Variants in LIN7A observed in about 807,000 individuals in gnomAD.
LIN7A encodes the protein lin-7 cell polarity scaffold A.
In LIN7A, 25 loss-of-function variants were observed where a neutral mutation model predicts 29.8. The ratio of observed to expected loss-of-function variants is 0.84; its 90% CI spans 0.61 to 1.17. LIN7A has a LOEUF of 1.17. Among genes scored for constraint, LIN7A ranks in the 50% most tolerant of loss-of-function variants. The pLI is 0.00. For missense variants in LIN7A, 239 were observed against 287.0 expected (o/e 0.83, Z 1.21); for synonymous variants, 118 against 107.5 (o/e 1.10, Z -0.60).
At chr12:80,869,607 A>C (rs573838265) in intron 2 of LIN7A, among the ~76,000 whole-genome samples, 1 of 152,220 alleles carries the variant, frequency 6.6e-6, no homozygotes, top group Non-Finnish European at 1.5e-5. Context: ...TAATTTAAAA[A>C]CTGTTGGGAA....
At chr12:80,900,859 G>A (rs1302752446) in intron 1 of LIN7A, among the ~76,000 whole-genome samples, 3 of 152,124 alleles carry the variant, frequency 2.0e-5, no homozygotes, top group Non-Finnish European at 2.9e-5. Flanking sequence ...TGAATTCTAA[G>A]AAGATGAGGA....
intron 2 of LIN7A, among the ~76,000 whole-genome samples, chr12:80,870,600 C>T (rs961563252): frequency 2.0e-5 from 3 of 152,168 alleles, no homozygotes; most frequent in African/African-American, 7.2e-5. Context: ...TACACTAAAT[C>T]ATAACTTCCA....
In LIN7A at chr12:80,796,411, C is replaced by T. The variant is rs1324352201; in HGVS notation, c.*1316G>A. On this transcript the variant is annotated 3_prime_UTR_variant, in exon 6 of 6. Coordinates refer to ENST00000552864, the MANE Select transcript of LIN7A (RefSeq NM_004664.4). ...TTAGGTGCCTAGATTTACCATAAAC[C>T]AAAAATTATGACCTGTAAATGTAGT... 1.3e-5 allele frequency: 2 copies of T among 151,930 alleles called. No homozygotes were observed. Among genetic ancestry groups the T allele is most frequent in the Non-Finnish European group, 2.9e-5 (2 of 67,992 alleles). 9.4% of individuals were successfully genotyped at this position (151,930 alleles called of 1,614,324 possible). A position where few individuals can be genotyped will look rare whatever the true frequency, so the allele number is the denominator to read the frequency against.
intron 5 of LIN7A, among the ~76,000 whole-genome samples, chr12:80,799,197 T>C (rs530505793): frequency 1.3e-5 from 2 of 152,338 alleles, no homozygotes; most frequent in South Asian, 4.1e-4. Flanking sequence ...GCCACTGACA[T>C]ACCTGTTGGG....
chr12:80,875,133 C>G (rs1272179590), intron 2 of LIN7A, among the ~76,000 whole-genome samples: 1 of 152,206 alleles, frequency 6.6e-6, no homozygotes, highest in Non-Finnish European at 1.5e-5. Flanking sequence ...GGTTCTGGTG[C>G]TAACTCAGGC....
intron 5 of LIN7A, among the ~76,000 whole-genome samples, chr12:80,806,498 C>A (rs918375898): frequency 2.6e-5 from 4 of 152,082 alleles, no homozygotes; most frequent in African/African-American, 7.2e-5. Context: ...TTTACCATTG[C>A]CAGGTGCTTT....
chr12:80,895,791 G>C (rs941100865), intron 1 of LIN7A, among the ~76,000 whole-genome samples: 1 of 152,150 alleles, frequency 6.6e-6, no homozygotes, highest in Non-Finnish European at 1.5e-5. Context: ...AAGTGCCTTG[G>C]AGGTAAAACT....
intron 1 of LIN7A, among the ~76,000 whole-genome samples, chr12:80,902,218 T>G (rs956856794): frequency 2.1e-4 from 3 of 14,254 alleles, no homozygotes; most frequent in African/African-American, 4.4e-4. Flanking sequence ...GGTCTATGTG[T>G]TTTTTTTTTT....
intron 4 of LIN7A, among the ~76,000 whole-genome samples, chr12:80,813,044 T>A (rs1021295523): frequency 6.6e-6 from 1 of 152,014 alleles, no homozygotes; most frequent in Non-Finnish European, 1.5e-5. Flanking sequence ...GGAGTCTTGC[T>A]CTGTTGCCCA....
intron 1 of LIN7A, among the ~76,000 whole-genome samples, chr12:80,908,115 CAG>C (rs1387307337): frequency 6.6e-6 from 1 of 152,044 alleles, no homozygotes; most frequent in Non-Finnish European, 1.5e-5. Context: ...AATCCCAGGT[CAG>C]ATCTTTTCCC....
At chr12:80,844,712 A>C (rs1435363532) in intron 4 of LIN7A, among the ~76,000 whole-genome samples, 1 of 152,196 alleles carries the variant, frequency 6.6e-6, no homozygotes, top group Admixed American at 6.5e-5. Context: ...TGTTTGTTTC[A>C]TAGGAAACAA....
chr12:80,815,448 T>C (rs751325383), intron 4 of LIN7A, among the ~76,000 whole-genome samples: 1 of 152,256 alleles, frequency 6.6e-6, no homozygotes, highest in African/African-American at 2.4e-5. Context: ...TGACTTAGTC[T>C]GTGTCTCACT....
intron 4 of LIN7A, chr12:80,832,652 T>C (rs372247841): frequency 4.4e-5 from 20 of 454,310 alleles, no homozygotes; most frequent in Non-Finnish European, 8.9e-5. Context: ...TTCCGTGACA[T>C]GGCTCCAGGC....
At chr12:80,835,837 T>C (rs1872569136) in intron 4 of LIN7A, among the ~76,000 whole-genome samples, 1 of 152,148 alleles carries the variant, frequency 6.6e-6, no homozygotes, top group African/African-American at 2.4e-5. Flanking sequence ...TTTTGAAATG[T>C]TGAAAATATC....
chr12:80,861,847 C>A (rs746787247), intron 2 of LIN7A, among the ~76,000 whole-genome samples: 5 of 152,218 alleles, frequency 3.3e-5, no homozygotes, highest in Non-Finnish European at 7.3e-5. Context: ...CTGGAGCAGG[C>A]AGCTCTGTGA....
At chr12:80,810,997 A>G (rs1264157604) in intron 5 of LIN7A, among the ~76,000 whole-genome samples, 5 of 152,282 alleles carry the variant, frequency 3.3e-5, no homozygotes, top group Non-Finnish European at 2.9e-5. Flanking sequence ...AATAAATTGT[A>G]TCTCAGTATT....
intron 1 of LIN7A, among the ~76,000 whole-genome samples, chr12:80,906,029 GTTT>G (rs1335986273): frequency 6.6e-6 from 1 of 151,714 alleles, no homozygotes; most frequent in African/African-American, 2.4e-5. Flanking sequence ...GTATTTTTTT[GTTT>G]TTATTTAATA....
intron 2 of LIN7A, among the ~76,000 whole-genome samples, chr12:80,882,284 A>ATTTTTTTTTTTT (rs1463134808): frequency 1.4e-5 from 1 of 71,986 alleles, no homozygotes; most frequent in Non-Finnish European, 5.2e-5. Context: ...TTTTTCTTTC[A>ATTTTTTTTTTTT]TTCTTTTTTT....
intron 2 of LIN7A, among the ~76,000 whole-genome samples, chr12:80,871,965 C>G (rs7972638): frequency 0.38 from 57,048 of 151,856 alleles, 13,674 homozygotes; most frequent in African/African-American, 0.68. Flanking sequence ...AGCATTAACT[C>G]TTTTGACAAT....
Sources: gnomAD v4.1 joint callset for allele counts (sites outside exome capture counted in the v4.1 genomes callset) on GRCh38, gnomAD v4.1.1 for gene constraint, MANE v1.5 for transcripts, NCBI Gene and HGNC (gene_info 2026-07-23, HGNC 2026-07-21) for gene names.